The following ZDHHC17 variants were observed in gnomAD, a reference collection of about 807,000 sequenced individuals.
ZDHHC17 encodes the protein palmitoyltransferase ZDHHC17.
A neutral mutation model predicts 90.3 loss-of-function variants in ZDHHC17; 40 were observed. The observed-to-expected ratio is 0.44, with a 90% CI of 0.34 to 0.58. ZDHHC17 has a LOEUF of 0.58. Ranked by LOEUF, ZDHHC17 falls within the 20% of genes least tolerant of loss-of-function variation. The pLI, the probability that ZDHHC17 is intolerant of heterozygous loss-of-function variation, is 0.01. For synonymous variants in ZDHHC17, 235 were observed against 252.4 expected (o/e 0.93, Z 0.65); for missense variants, 614 against 780.8 (o/e 0.79, Z 2.55).
chr12:76,786,238 G>A lies in ZDHHC17; in HGVS notation c.94-11196G>A, dbSNP rs575696191. 5.3e-5 allele frequency among the ~76,000 whole-genome samples: 8 copies of A among 151,802 alleles called. No homozygotes were observed. In the South Asian group the frequency reaches 1.7e-3, roughly 32 times the overall value. On this transcript the variant is annotated intron_variant, in intron 1 of 16. Coordinates refer to ENST00000426126, the MANE Select transcript of ZDHHC17 (RefSeq NM_015336.4). Reference sequence around the variant, plus strand: ...CCACCACAACCTCCTGAGTTGCTGGGATTACAGGTGTGTGCCATTAAGCCT... The same window carrying A: ...CCACCACAACCTCCTGAGTTGCTGGAATTACAGGTGTGTGCCATTAAGCCT...
chr12:76,775,201 G>C (rs578243512), intron 1 of ZDHHC17, among the ~76,000 whole-genome samples: 53 of 152,320 alleles, frequency 3.5e-4, no homozygotes, highest in African/African-American at 1.3e-3. Flanking sequence ...TTAGAAAGGA[G>C]TTTGATTACT....
chr12:76,850,965 T>C lies in ZDHHC17; in HGVS notation c.1879T>C (p.Ser627Pro), dbSNP rs369650681. 1 of 1,613,898 alleles carries C rather than the reference T, an allele frequency of 6.2e-7. No individual in the cohort carries two copies. Among genetic ancestry groups the C allele is most frequent in the Non-Finnish European group, 8.5e-7 (1 of 1,179,864 alleles). Residue 627 changes from serine (S) to proline (P), a missense_variant, in exon 17 of 17, where the codon TCT (serine) becomes CCT (proline). Around this residue, in one of 5 missense-constraint regions of ZDHHC17, gnomAD observed 28 missense variants for 20.0 expected, o/e 1.40. Transcript: ENST00000426126. ...AATAGAATATGACCAAATATCAGGA[T>C]CTGGGTACCAGCTGGTGTAGCGACA... ...YTIEYDQISG[S>P]GYQLV is the part of the protein sequence containing the mutation.
intron 1 of ZDHHC17, among the ~76,000 whole-genome samples, chr12:76,795,310 G>T (rs1348661897): frequency 6.6e-6 from 1 of 150,484 alleles, no homozygotes; most frequent in African/African-American, 2.5e-5. Context: ...TGTTGATCTT[G>T]ATTACTGCGT....
At chr12:76,823,485 A>G (rs1953190504) in intron 8 of ZDHHC17, among the ~76,000 whole-genome samples, 2 of 152,226 alleles carry the variant, frequency 1.3e-5, no homozygotes, top group Admixed American at 1.3e-4. Flanking sequence ...TTTCCCACAA[A>G]AAAGAAGTTA....
chr12:76,793,685 G>C (rs1348838665), intron 1 of ZDHHC17, among the ~76,000 whole-genome samples: 1 of 152,166 alleles, frequency 6.6e-6, no homozygotes, highest in Non-Finnish European at 1.5e-5. Flanking sequence ...ACCCTAGGTA[G>C]GGGAGTGGCG....
chr12:76,849,333 A>AAAAC, intron 15 of ZDHHC17, 43 bp from the exon 16 acceptor site: 1 of 1,093,944 alleles, frequency 9.1e-7, no homozygotes, highest in Non-Finnish European at 1.3e-6. Context: ...CAAAAAAAAA[A>AAAAC]AAAAAAAACA....
intron 10 of ZDHHC17, among the ~76,000 whole-genome samples, chr12:76,835,580 T>A (rs1953353695): frequency 6.6e-6 from 1 of 152,132 alleles, no homozygotes; most frequent in African/African-American, 2.4e-5. Flanking sequence ...TATAGAAATG[T>A]AGCTGATTAG....
At chr12:76,779,968 T>G (rs1007793865) in intron 1 of ZDHHC17, among the ~76,000 whole-genome samples, 3 of 152,156 alleles carry the variant, frequency 2.0e-5, no homozygotes, top group African/African-American at 7.2e-5. Flanking sequence ...GTTGAGCATA[T>G]TTGTTGTTTT....
chr12:76,819,151 T>C (rs1953128463), intron 7 of ZDHHC17, among the ~76,000 whole-genome samples: 1 of 152,178 alleles, frequency 6.6e-6, no homozygotes, highest in South Asian at 2.1e-4. Context: ...TGTGATATCA[T>C]ATGTTGAGAT....
At chr12:76,797,366 A>G in intron 1 of ZDHHC17, 68 bp from the exon 2 acceptor site, 4 of 1,139,138 alleles carry the variant, frequency 3.5e-6, no homozygotes, top group Non-Finnish European at 4.9e-6. Context: ...GCACTACTAT[A>G]AAATATAGAA....
chr12:76,800,906 T>A (rs866949476), intron 2 of ZDHHC17, among the ~76,000 whole-genome samples: 1,592 of 149,154 alleles, frequency 0.011, 10 homozygotes, highest in Non-Finnish European at 0.017. Context: ...TTTTTTTTTT[T>A]AGACAGAGTC....
chr12:76,820,805 A>G (rs112262374), intron 7 of ZDHHC17, among the ~76,000 whole-genome samples: 4,860 of 152,270 alleles, frequency 0.032, 164 homozygotes, highest in African/African-American at 0.084. Flanking sequence ...TTCTTTTATT[A>G]ACAGTTACAT....
At chr12:76,842,252 G>A in intron 11 of ZDHHC17, 146 bp downstream of exon 11, 2 of 896,894 alleles carry the variant, frequency 2.2e-6, no homozygotes, top group Non-Finnish European at 1.5e-6. Flanking sequence ...TTTATTTGGT[G>A]CTCATCCTTG....
intron 1 of ZDHHC17, among the ~76,000 whole-genome samples, chr12:76,767,247 A>G (rs1952441729): frequency 6.6e-6 from 1 of 152,128 alleles, no homozygotes; most frequent in Non-Finnish European, 1.5e-5. Flanking sequence ...GTGGAATAGG[A>G]TCTTGCAGGA....
chr12:76,842,769 A>G, intron 11 of ZDHHC17, 150 bp from the exon 12 acceptor site: 1 of 568,878 alleles, frequency 1.8e-6, no homozygotes, highest in Non-Finnish European at 3.1e-6. Flanking sequence ...GCAATGAAAT[A>G]GCAGTAAATA....
At chr12:76,799,279 C>T (rs931300363) in intron 2 of ZDHHC17, among the ~76,000 whole-genome samples, 1 of 152,190 alleles carries the variant, frequency 6.6e-6, no homozygotes, top group Non-Finnish European at 1.5e-5. Context: ...AAAGTGGTAT[C>T]TGTTATGCCA....
intron 1 of ZDHHC17, among the ~76,000 whole-genome samples, chr12:76,786,509 G>T (rs1452126856): frequency 1.3e-5 from 2 of 152,066 alleles, no homozygotes; most frequent in African/African-American, 4.8e-5. Flanking sequence ...ACCCGCCTCG[G>T]CCTCCCAAAG....
chr12:76,827,193 AT>A, intron 9 of ZDHHC17, 143 bp downstream of exon 9: 1 of 974,812 alleles, frequency 1.0e-6, no homozygotes, highest in East Asian at 3.3e-5. Context: ...GAAATATGAG[AT>A]TTTTTAAACA....
intron 4 of ZDHHC17, among the ~76,000 whole-genome samples, chr12:76,809,472 A>G (rs1565784173): frequency 6.6e-6 from 1 of 152,084 alleles, no homozygotes; most frequent in East Asian, 1.9e-4. Context: ...GAATATAGTA[A>G]TTATTTACTA....
Sources: allele counts gnomAD v4.1 joint callset (sites outside exome capture counted in the v4.1 genomes callset), GRCh38; gene constraint gnomAD v4.1.1; regional missense constraint gnomAD v4.1.1; transcripts MANE v1.5; gene names NCBI Gene and HGNC (gene_info 2026-07-23, HGNC 2026-07-21).